The following TPH2 variants were observed in gnomAD, a reference collection of about 807,000 sequenced individuals.
The protein encoded by TPH2 is tryptophan 5-hydroxylase 2.
TPH2 carries 27 observed loss-of-function variants against 59.1 expected under a neutral mutation model. That is an observed-to-expected ratio of 0.46 (90% CI 0.34 to 0.63). The LOEUF is 0.63. Ranked by LOEUF, TPH2 falls within the 30% of genes least tolerant of loss-of-function variation. The pLI is 0.01. For missense variants in TPH2, 523 were observed against 588.3 expected, an observed-to-expected ratio of 0.89 and a Z score of 1.15; for synonymous variants, 220 against 210.5, an observed-to-expected ratio of 1.05 and a Z score of -0.39.
At chr12:72,024,826 G>C (rs1480241014) in intron 9 of TPH2, among the ~76,000 whole-genome samples, 3 of 152,072 alleles carry the variant, frequency 2.0e-5, no homozygotes, top group African/African-American at 7.2e-5. Context: ...TACCAAGAAG[G>C]GCATTGTTCA....
chr12:71,945,970 A>C (rs1382396459), intron 4 of TPH2, among the ~76,000 whole-genome samples: 3 of 152,168 alleles, frequency 2.0e-5, no homozygotes. Context: ...TAGCTTTAGT[A>C]ATCACCCATT....
In TPH2 at chr12:72,000,239, C is replaced by T. The variant is rs149786944; in HGVS notation, c.1068+5674C>T. On this transcript the variant is annotated intron_variant, in intron 8 of 10. Transcript: ENST00000333850. ...GTTCTACAGGGCAATAAAACCATAA[C>T]CTTGAGGTTATCTTTTCTACTGGGC... Among the ~76,000 whole-genome samples the T allele has an allele frequency of 9.1e-4, 139 of 152,252 alleles. 3 individuals carry two copies. The East Asian group carries it at 0.026, about 28-fold the overall frequency.
intron 7 of TPH2, among the ~76,000 whole-genome samples, chr12:71,987,178 A>C (rs1872460400): frequency 6.6e-6 from 1 of 152,212 alleles, no homozygotes; most frequent in African/African-American, 2.4e-5. Context: ...AAATAGCAAA[A>C]CCAAGTTCTG....
chr12:71,971,163 C>G (rs113804760), intron 5 of TPH2, among the ~76,000 whole-genome samples: 1 of 152,190 alleles, frequency 6.6e-6, no homozygotes. Context: ...GAAGATGCCC[C>G]TCTCACTGCA....
intron 8 of TPH2, among the ~76,000 whole-genome samples, chr12:72,003,492 T>C (rs1872876720): frequency 6.6e-6 from 1 of 152,208 alleles, no homozygotes; most frequent in Non-Finnish European, 1.5e-5. Flanking sequence ...TCAAATTCTT[T>C]AACTAGTCAC....
intron 7 of TPH2, among the ~76,000 whole-genome samples, chr12:71,985,034 T>C (rs920242242): frequency 6.6e-6 from 1 of 152,242 alleles, no homozygotes; most frequent in Non-Finnish European, 1.5e-5. Flanking sequence ...ATATATCAAC[T>C]GGACACAGGT....
intron 8 of TPH2, among the ~76,000 whole-genome samples, chr12:71,997,514 G>A (rs533513454): frequency 6.6e-6 from 1 of 152,172 alleles, no homozygotes; most frequent in Admixed American, 6.6e-5. Context: ...TTTTCTTTAG[G>A]AGCTTGCATT....
chr12:71,972,960 A>G (rs1199168475), intron 6 of TPH2, among the ~76,000 whole-genome samples: 2 of 152,202 alleles, frequency 1.3e-5, no homozygotes, highest in Non-Finnish European at 2.9e-5. Flanking sequence ...TAAGGCCCAA[A>G]GGATATTTGC....
intron 5 of TPH2, chr12:71,962,535 G>A (rs1362320699): frequency 1.6e-5 from 16 of 985,006 alleles, no homozygotes; most frequent in African/African-American, 3.5e-5. Context: ...ATAATTGGAG[G>A]CTACCAGAAA....
chr12:71,965,728 T>C (rs147265240), intron 5 of TPH2, among the ~76,000 whole-genome samples: 1,948 of 152,352 alleles, frequency 0.013, 40 homozygotes, highest in African/African-American at 0.045. Flanking sequence ...GTCAGATGCA[T>C]AGTTTGCAAA....
rs1396764602 is a variant in TPH2 at position 71,972,596 on chromosome 12, A to G, written c.686A>G (p.Lys229Arg). 1 of 1,614,166 alleles carries G rather than the reference A, an allele frequency of 6.2e-7. No homozygotes were observed. The highest frequency in any genetic ancestry group is 8.5e-7 in the Non-Finnish European group (1 of 1,180,028). Reference sequence around the variant, plus strand: ...GGTGTTGTATTCCGGGAGCTCTCCAAACTCTATCCCACTCATGCTTGCCGA... The same window carrying G: ...GGTGTTGTATTCCGGGAGCTCTCCAGACTCTATCCCACTCATGCTTGCCGA... ...TWGVVFRELSKLYPTHACREY... is the reference protein window; with the variant it reads ...TWGVVFRELSRLYPTHACREY... Residue 229 changes from lysine to arginine, a missense_variant, in exon 6 of 11, where the codon AAA (lysine) becomes AGA (arginine). Lys to Arg is a conservative substitution (Grantham distance 26). Coordinates refer to ENST00000333850, the MANE Select transcript of TPH2 (RefSeq NM_173353.4).
At chr12:71,941,926 T>C (rs1480589767) in intron 2 of TPH2, among the ~76,000 whole-genome samples, 193 bp downstream of exon 2, 3 of 152,208 alleles carry the variant, frequency 2.0e-5, no homozygotes, top group South Asian at 2.1e-4. Context: ...GCCTAAGCTG[T>C]GGCTTATTAA....
intron 5 of TPH2, chr12:71,961,749 AC>A: frequency 2.3e-6 from 3 of 1,332,738 alleles, no homozygotes; most frequent in Non-Finnish European, 3.0e-6. Context: ...TATGAAGAGG[AC>A]TTTCTGCAAG....
intron 5 of TPH2, among the ~76,000 whole-genome samples, chr12:71,958,350 G>C (rs996167354): frequency 2.0e-5 from 3 of 152,170 alleles, no homozygotes; most frequent in Non-Finnish European, 2.9e-5. Context: ...GTTTTCTGAA[G>C]TGGCTTCAGC....
chr12:71,980,955 TCA>T (rs1872259260), intron 7 of TPH2, among the ~76,000 whole-genome samples: 1 of 152,214 alleles, frequency 6.6e-6, no homozygotes, highest in Admixed American at 6.5e-5. Flanking sequence ...TTAAAGCAGT[TCA>T]CATTCTGGCA....
At chr12:71,969,992 A>G (rs1871927492) in intron 5 of TPH2, among the ~76,000 whole-genome samples, 1 of 152,234 alleles carries the variant, frequency 6.6e-6, no homozygotes, top group South Asian at 2.1e-4. Context: ...TGCCTGGCAC[A>G]TAGTAAGCTC....
chr12:72,030,716 T>C (rs534932475), intron 9 of TPH2, among the ~76,000 whole-genome samples: 1 of 152,246 alleles, frequency 6.6e-6, no homozygotes, highest in South Asian at 2.1e-4. Flanking sequence ...TTTTTAAGTA[T>C]CCTCAAATAT....
chr12:72,004,946 T>C (rs1872914511), intron 8 of TPH2, among the ~76,000 whole-genome samples: 2 of 152,306 alleles, frequency 1.3e-5, no homozygotes, highest in Non-Finnish European at 2.9e-5. Flanking sequence ...CAATGAATGG[T>C]ATCACAATAA....
chr12:72,004,028 A>G (rs1331456421), intron 8 of TPH2, among the ~76,000 whole-genome samples: 1 of 138,872 alleles, frequency 7.2e-6, no homozygotes, highest in Non-Finnish European at 1.6e-5. Context: ...CATGCTTTGC[A>G]CACACTTCAT....
Sources: gnomAD v4.1 joint callset for allele counts (sites outside exome capture counted in the v4.1 genomes callset) on GRCh38, gnomAD v4.1.1 for gene constraint, MANE v1.5 for transcripts, NCBI Gene and HGNC (gene_info 2026-07-23, HGNC 2026-07-21) for gene names.